FLYWCH1: variants seen among roughly 807,000 people sequenced by gnomAD.
FLYWCH1 encodes FLYWCH-type zinc finger-containing protein 1.
FLYWCH1 carries 75 observed loss-of-function variants against 66.4 expected under a neutral mutation model. The observed-to-expected ratio is 1.13, with a 90% CI of 0.94 to 1.37. The LOEUF (loss-of-function observed/expected upper bound fraction) is 1.37, where lower values mean the gene tolerates loss of function less well. Among genes scored for constraint, FLYWCH1 ranks in the 40% most tolerant of loss-of-function variants. The probability of loss-of-function intolerance (pLI) is 0.00; values close to 1 mark genes in which losing one functional copy is unlikely to be tolerated. For synonymous variants in FLYWCH1, 595 were observed against 429.9 expected (o/e 1.38, Z -4.75); for missense variants, 1,334 against 1,001.8 (o/e 1.33, Z -4.48).
At chr16:2,944,951 A>C (rs1439003299) in intron 9 of FLYWCH1, among the ~76,000 whole-genome samples, 1 of 152,220 alleles carries the variant, frequency 6.6e-6, no homozygotes, top group Non-Finnish European at 1.5e-5. Context: ...ATTGTCCCTG[A>C]AGACCTTCCA....
intron 4 of FLYWCH1, among the ~76,000 whole-genome samples, chr16:2,932,611 G>T (rs1408160904): frequency 6.6e-6 from 1 of 152,170 alleles, no homozygotes; most frequent in Admixed American, 6.6e-5. Flanking sequence ...GGGAAGGGAG[G>T]TGCAGGGAAC....
chr16:2,942,719 A>ATTTT (rs1291496537), intron 9 of FLYWCH1, among the ~76,000 whole-genome samples: 1 of 115,492 alleles, frequency 8.7e-6, no homozygotes, highest in African/African-American at 3.9e-5. Flanking sequence ...GCATCTGGGA[A>ATTTT]CTTTTTTTTT....
At chr16:2,923,141 T>C in intron 2 of FLYWCH1, 1 of 391,910 alleles carries the variant, frequency 2.6e-6, no homozygotes, top group Non-Finnish European at 4.9e-6. Flanking sequence ...GTGGACGCCT[T>C]TCAACGCTGC....
rs773975965 is a variant in FLYWCH1 at position 2,929,830 on chromosome 16, G to T, written c.145G>T (p.Asp49Tyr). The T allele has an allele frequency of 1.1e-5, 18 of 1,613,816 alleles. No individual in the cohort carries two copies. The highest frequency in any genetic ancestry group is 1.4e-5 in the Non-Finnish European group (16 of 1,179,892). Residue 49 changes from aspartate (D) to tyrosine (Y), a missense_variant, in exon 3 of 10, where the codon GAC becomes TAC. Coordinates refer to ENST00000253928, the MANE Select transcript of FLYWCH1 (RefSeq NM_001308068.2). The part of the protein sequence containing the change: ...FSKLVLLTAS[D>Y]QDEDGVGSKP... Reference sequence around the variant, plus strand: ...CAAACTGGTGCTGCTCACAGCCTCCGACCAAGATGAGGATGGGGTGGGATC... The same window carrying T: ...CAAACTGGTGCTGCTCACAGCCTCCTACCAAGATGAGGATGGGGTGGGATC...
At chr16:2,928,390 T>C (rs1013576441) in intron 2 of FLYWCH1, among the ~76,000 whole-genome samples, 2 of 152,168 alleles carry the variant, frequency 1.3e-5, no homozygotes, top group Non-Finnish European at 2.9e-5. Flanking sequence ...GGGGAAACCT[T>C]GGACAATACC....
At chr16:2,926,223 T>G (rs1160229016) in intron 2 of FLYWCH1, among the ~76,000 whole-genome samples, 1 of 152,188 alleles carries the variant, frequency 6.6e-6, no homozygotes, top group African/African-American at 2.4e-5. Flanking sequence ...CTGCCCATGG[T>G]TTCCAGAACA....
Position 2,937,277 on chromosome 16 carries a change from G to T in FLYWCH1, c.1670G>T (p.Arg557Leu), listed in dbSNP as rs202221080. Residue 557 changes from arginine to leucine, a missense_variant, in exon 7 of 10, where the codon CGG becomes CTG. Arg to Leu is a moderately radical substitution (Grantham distance 102). Transcript: ENST00000253928. ...GCRSRAITQG[R>L]RVMVMRRHCH... ...CGCAGCCGCGCCATCACCCAGGGCC[G>T]GCGGGTCATGGTCATGCGCAGGCAC... 6.2e-7 allele frequency: 1 copy of T among 1,605,024 alleles called. No homozygotes were observed. Among genetic ancestry groups the T allele is most frequent in the Non-Finnish European group, 8.5e-7 (1 of 1,176,984 alleles).
chr16:2,929,143 G>T (rs1313740460), intron 2 of FLYWCH1, among the ~76,000 whole-genome samples: 1 of 152,212 alleles, frequency 6.6e-6, no homozygotes, highest in Non-Finnish European at 1.5e-5. Flanking sequence ...GTCCTGACAA[G>T]TCCCTGGGCA....
At chr16:2,937,026 G>C in intron 6 of FLYWCH1, 95 bp from the exon 7 acceptor site, 1 of 1,243,942 alleles carries the variant, frequency 8.0e-7, no homozygotes, top group Non-Finnish European at 1.0e-6. Context: ...GTGAGGAGGA[G>C]GTGTGGGCGT....
chr16:2,924,415 A>G (rs17603186), intron 2 of FLYWCH1, among the ~76,000 whole-genome samples: 29,086 of 152,068 alleles, frequency 0.19, 3,357 homozygotes, highest in Admixed American at 0.25. Flanking sequence ...CATACGACCC[A>G]TGATCTTACT....
At chr16:2,924,199 G>T (rs149640223) in intron 2 of FLYWCH1, among the ~76,000 whole-genome samples, 2 of 152,052 alleles carry the variant, frequency 1.3e-5, no homozygotes, top group South Asian at 2.1e-4. Flanking sequence ...GCGTGGTGGC[G>T]GGCGCCTGTA....
At chr16:2,947,197 C>T (rs1309467470) in intron 9 of FLYWCH1, among the ~76,000 whole-genome samples, 2 of 152,170 alleles carry the variant, frequency 1.3e-5, no homozygotes, top group Non-Finnish European at 2.9e-5. Context: ...ACCTTGAAAA[C>T]ACCATCTTAA....
chr16:2,916,795 T>C (rs1239304335), intron 2 of FLYWCH1, among the ~76,000 whole-genome samples: 2 of 151,836 alleles, frequency 1.3e-5, no homozygotes, highest in African/African-American at 4.8e-5. Context: ...CTTCTTGAGG[T>C]TCCCCAAAAT....
chr16:2,938,197 C>T lies in FLYWCH1; in HGVS notation c.1791C>T (p.Pro597=), dbSNP rs770793254. The T allele has an allele frequency of 6.2e-7, 1 of 1,612,742 alleles. No homozygotes were observed. Among genetic ancestry groups the T allele is most frequent in the Non-Finnish European group, 8.5e-7 (1 of 1,179,568 alleles). Residue 597 remains proline, a synonymous_variant, in exon 8 of 10, where the codon CCC becomes CCT. Coordinates refer to ENST00000253928, the MANE Select transcript of FLYWCH1 (RefSeq NM_001308068.2). The part of the protein sequence containing the change: ...AQWDSPDPLR[P]LEFLRTSLGG... ...TTTCCCTTTCAGATCCTCTCCGGCC[C>T]CTGGAGTTCCTGAGGACTTCCCTGG...
At chr16:2,913,994 G>T (rs74005520) in intron 1 of FLYWCH1, among the ~76,000 whole-genome samples, 182 bp from the exon 2 acceptor site, 6 of 152,152 alleles carry the variant, frequency 3.9e-5, no homozygotes, top group Non-Finnish European at 5.9e-5. Flanking sequence ...ACAGGTGTGA[G>T]CCACCGTGCC....
chr16:2,917,208 A>G (rs2070200817), intron 2 of FLYWCH1, among the ~76,000 whole-genome samples: 1 of 147,440 alleles, frequency 6.8e-6, no homozygotes, highest in African/African-American at 2.5e-5. Flanking sequence ...TTTCCCAATA[A>G]TACAAAGTAA....
Position 2,937,324 on chromosome 16 carries a change from G to T in FLYWCH1, c.1717G>T (p.Gly573Cys). Residue 573 changes from glycine to cysteine, a missense_variant, in exon 7 of 10, where the codon GGC (glycine) becomes TGC (cysteine). Coordinates refer to ENST00000253928, the MANE Select transcript of FLYWCH1 (RefSeq NM_001308068.2). ...GCACTGCCACCCACCGGACCTGGGC[G>T]GCCTGGAGGCCCTGCGGCAGCGGGA... ...RRHCHPPDLGGLEALRQREHF... is the reference protein window; with the variant it reads ...RRHCHPPDLGCLEALRQREHF... 3 of 1,600,442 alleles carry T rather than the reference G, an allele frequency of 1.9e-6. No homozygotes were observed. The highest frequency in any genetic ancestry group is 2.0e-4 in the Middle Eastern group (1 of 5,048).
In FLYWCH1 at chr16:2,933,316, G is replaced by C. The variant is rs370537064; in HGVS notation, c.983G>C (p.Gly328Ala). ...GGACAGCGGGTGACTGTGATGCGTG[G>C]GCACTGCCACCAGCCCGATATGGAG... ...TQGQRVTVMR[G>A]HCHQPDMEGL... The change falls in exon 5 of 10, where the codon GGG becomes GCG. Residue 328 changes from glycine (G) to alanine (A), a missense_variant. Physicochemically the swap from Gly to Ala is moderately conservative, Grantham distance 60. Transcript: ENST00000253928. 3 of 1,610,786 alleles carry C rather than the reference G, an allele frequency of 1.9e-6. No individual in the cohort carries two copies. The highest frequency in any genetic ancestry group is 2.5e-6 in the Non-Finnish European group (3 of 1,178,950).
chr16:2,932,106 A>G (rs1374158057), intron 4 of FLYWCH1, among the ~76,000 whole-genome samples: 1 of 115,082 alleles, frequency 8.7e-6, no homozygotes, highest in Non-Finnish European at 1.7e-5. Flanking sequence ...CAAAAGAGCA[A>G]GACTCTGTCT....
Sources: gnomAD v4.1 joint callset for allele counts (sites outside exome capture counted in the v4.1 genomes callset) on GRCh38, gnomAD v4.1.1 for gene constraint, MANE v1.5 for transcripts, NCBI Gene and HGNC (gene_info 2026-07-23, HGNC 2026-07-21) for gene names.